PRAMEF15: variants seen among roughly 807,000 people sequenced by gnomAD.
PRAMEF15 encodes the protein PRAME family member 9/15.
In PRAMEF15, 21 loss-of-function variants were observed where a neutral mutation model predicts 35.3. That is an observed-to-expected ratio of 0.59 (90% confidence interval 0.42 to 0.86). The LOEUF is 0.86. Among genes scored for constraint, PRAMEF15 ranks in the 40% least tolerant of loss-of-function variants. The probability of loss-of-function intolerance (pLI) is 0.00; values close to 1 mark genes in which losing one functional copy is unlikely to be tolerated. For missense variants in PRAMEF15, 360 were observed against 574.1 expected, an observed-to-expected ratio of 0.63 and a Z score of 3.81; for synonymous variants, 122 against 223.3, an observed-to-expected ratio of 0.55 and a Z score of 4.05.
At chr1:13,321,644 A>G (rs1640084981) in intron 3 of PRAMEF15, 59 bp from the exon 4 acceptor site, 1 of 1,578,482 alleles carries the variant, frequency 6.3e-7, no homozygotes, top group Non-Finnish European at 8.7e-7. Flanking sequence ...GCCATTCCCC[A>G]CCACCCTCCA....
chr1:13,317,684 G>A (rs1255157242), intron 1 of PRAMEF15, among the ~76,000 whole-genome samples: 1 of 151,626 alleles, frequency 6.6e-6, no homozygotes, highest in Non-Finnish European at 1.5e-5. Flanking sequence ...GGCTGAGGAG[G>A]AAGAATCCTT....
At chr1:13,319,054 C>A (rs1042073218) in intron 2 of PRAMEF15, among the ~76,000 whole-genome samples, 9 of 151,912 alleles carry the variant, frequency 5.9e-5, no homozygotes, top group African/African-American at 2.2e-4. Context: ...ATTAGCTGGG[C>A]ATGGTGGTGG....
intron 3 of PRAMEF15, among the ~76,000 whole-genome samples, chr1:13,320,540 C>G (rs1640070443): frequency 6.6e-6 from 1 of 152,084 alleles, no homozygotes; most frequent in South Asian, 2.1e-4. Flanking sequence ...TCTCCTGTCT[C>G]AGCCTCCTGA....
intron 2 of PRAMEF15, among the ~76,000 whole-genome samples, chr1:13,319,104 G>A (rs1362735265): frequency 2.6e-5 from 4 of 150,952 alleles, no homozygotes; most frequent in Admixed American, 6.6e-5. Context: ...TGAGGCAGGA[G>A]AATCATTTGA....
In PRAMEF15 at chr1:13,316,391, G is replaced by A. The variant is rs1342842131; in HGVS notation, c.-17+733G>A. The stretch of plus-strand genomic sequence containing the variant: ...AGTGAGCCATGCTCATACCACTGCT[G>A]TACTCCAGCCTGGGCAAAAGAGAGA... On this transcript the variant is annotated intron_variant, in intron 1 of 3. Transcript: ENST00000376152. Among the ~76,000 whole-genome samples, 53 of 151,662 alleles carry A rather than the reference G, an allele frequency of 3.5e-4. 1 individual carries two copies. In the East Asian group the frequency reaches 0.01, roughly 29 times the overall value.
chr1:13,318,299 T>C, intron 1 of PRAMEF15, 93 bp from the exon 2 acceptor site: 2 of 1,591,874 alleles, frequency 1.3e-6, no homozygotes, highest in Non-Finnish European at 1.7e-6. Context: ...CTTTCACCAT[T>C]GCCAGAGCAG....
rs1239826118 is a variant in PRAMEF15 at position 13,319,209 on chromosome 1, C to A, written c.294-163C>A. On this transcript the variant is annotated intron_variant, in intron 2 of 3. Transcript: ENST00000376152. ...ACTTGGTCTCAAAAAAAAAAAAAAA[C>A]AAAACAATGTGGAAGTGGGCAGGAT... Among the ~76,000 whole-genome samples the A allele has an allele frequency of 5.0e-4, 72 of 143,216 alleles. 1 individual carries two copies. Among genetic ancestry groups the A allele is most frequent in the South Asian group, 1.8e-3 (8 of 4,470 alleles). 94.0% of individuals were successfully genotyped at this position (143,216 alleles called of 152,430 possible).
rs1640092787 is a variant in PRAMEF15 at position 13,322,118 on chromosome 1, A to G, written c.1291A>G (p.Ser431Gly). 1 of 1,607,428 alleles carries G rather than the reference A, an allele frequency of 6.2e-7. No individual in the cohort carries two copies. The highest frequency in any genetic ancestry group is 8.5e-7 in the Non-Finnish European group (1 of 1,178,684). ...SYGADGTLCW[S>G]RFAQIRAELM... ...TGGTGCTGATGGTACTCTCTGCTGGAGCAGATTTGCTCAAATTAGGGCTGA... is the reference window on the plus strand; with the variant it reads ...TGGTGCTGATGGTACTCTCTGCTGGGGCAGATTTGCTCAAATTAGGGCTGA... The change falls in exon 4 of 4, where the codon AGC (serine) becomes GGC (glycine). Residue 431 changes from serine to glycine, a missense_variant. Coordinates refer to ENST00000376152, the MANE Select transcript of PRAMEF15 (RefSeq NM_001098376.3).
At chr1:13,317,606 C>CA in intron 1 of PRAMEF15, among the ~76,000 whole-genome samples, 1 of 151,726 alleles carries the variant, frequency 6.6e-6, no homozygotes, top group Non-Finnish European at 1.5e-5. Flanking sequence ...ACTGTCTTTA[C>CA]AAAAAGTCAA....
At chr1:13,321,022 G>C (rs1261581178) in intron 3 of PRAMEF15, among the ~76,000 whole-genome samples, 1 of 151,978 alleles carries the variant, frequency 6.6e-6, no homozygotes, top group African/African-American at 2.4e-5. Flanking sequence ...CCTACAGCCC[G>C]CCCACCCCAG....
chr1:13,316,789 G>C (rs1459179065), intron 1 of PRAMEF15, among the ~76,000 whole-genome samples: 1 of 151,726 alleles, frequency 6.6e-6, no homozygotes, highest in East Asian at 1.9e-4. Flanking sequence ...AATTTGATGT[G>C]GCCAAGGATC....
At chr1:13,317,075 GCT>G (rs1237886253) in intron 1 of PRAMEF15, among the ~76,000 whole-genome samples, 12 of 151,318 alleles carry the variant, frequency 7.9e-5, no homozygotes, top group African/African-American at 2.7e-4. Flanking sequence ...GTCAAATGTA[GCT>G]CTCTCTGTCT....
intron 3 of PRAMEF15, among the ~76,000 whole-genome samples, chr1:13,320,228 T>C (rs1436977590): frequency 6.6e-6 from 1 of 152,022 alleles, no homozygotes; most frequent in Non-Finnish European, 1.5e-5. Context: ...AGGGTGCCTT[T>C]CTGAATTCTT....
In PRAMEF15 at chr1:13,319,749, C is replaced by A; in HGVS notation, c.671C>A (p.Thr224Lys). Residue 224 changes from threonine (T) to lysine (K), a missense_variant, in exon 3 of 4, where the codon ACA (threonine) becomes AAA (lysine). By Grantham distance (78) the Thr-to-Lys change is moderately conservative. Around this residue, in one of 8 missense-constraint regions of PRAMEF15, gnomAD observed 36 missense variants for 164.8 expected, o/e 0.22. Transcript: ENST00000376152. ...TGCAAGTGGGTACTGCCCATCCTGA[C>A]ACAGTTTACCCCATACCTGGGCCAC... ...VNCKWVLPIL[T>K]QFTPYLGHMR... 6.3e-7 allele frequency: 1 copy of A among 1,599,958 alleles called. No individual in the cohort carries two copies. Among genetic ancestry groups the A allele is most frequent in the South Asian group, 1.1e-5 (1 of 90,976 alleles).
At chr1:13,317,172 T>C (rs1977859) in intron 1 of PRAMEF15, among the ~76,000 whole-genome samples, 44,260 of 146,864 alleles carry the variant, frequency 0.3, 4,500 homozygotes, top group Admixed American at 0.39. Flanking sequence ...TGGGTTCAAG[T>C]GATCCTCCTA....
chr1:13,317,615 A>T (rs1366485384), intron 1 of PRAMEF15, among the ~76,000 whole-genome samples: 2 of 151,834 alleles, frequency 1.3e-5, no homozygotes, highest in African/African-American at 4.8e-5. Context: ...ACAAAAAGTC[A>T]AAAAATAGAA....
At chr1:13,320,288 G>T (rs1424998087) in intron 3 of PRAMEF15, among the ~76,000 whole-genome samples, 529 of 152,190 alleles carry the variant, frequency 3.5e-3, no homozygotes, top group African/African-American at 0.012. Flanking sequence ...ACCAGGGGCG[G>T]TGGCTCATGC....
chr1:13,320,198 T>TG (rs1303939299), intron 3 of PRAMEF15, among the ~76,000 whole-genome samples: 2 of 152,168 alleles, frequency 1.3e-5, no homozygotes, highest in East Asian at 1.9e-4. Flanking sequence ...AGCTAGCTAC[T>TG]GGGGGGTTCA....
intron 1 of PRAMEF15, among the ~76,000 whole-genome samples, chr1:13,316,156 A>G (rs1317695797): frequency 2.0e-5 from 3 of 151,556 alleles, no homozygotes; most frequent in Non-Finnish European, 4.4e-5. Context: ...GACATCTGAA[A>G]CCATGCCTGG....
Sources: allele counts gnomAD v4.1 joint callset (sites outside exome capture counted in the v4.1 genomes callset), GRCh38; gene constraint gnomAD v4.1.1; regional missense constraint gnomAD v4.1.1; transcripts MANE v1.5; gene names NCBI Gene and HGNC (gene_info 2026-07-23, HGNC 2026-07-21).